Variants in RANBP17 observed in about 807,000 individuals in gnomAD.
RANBP17 encodes the protein RAN binding protein 17, also known as ran-binding protein 17.
A neutral mutation model predicts 141.2 loss-of-function variants in RANBP17; 158 were observed. The ratio of observed to expected loss-of-function variants is 1.12; its 90% CI spans 0.98 to 1.28. The LOEUF is 1.28. Among genes scored for constraint, RANBP17 ranks in the 50% most tolerant of loss-of-function variants. RANBP17 has a pLI of 0.00. For missense variants in RANBP17, 1,438 were observed against 1,290.7 expected, an observed-to-expected ratio of 1.11 and a Z score of -1.75; for synonymous variants, 430 against 450.0, an observed-to-expected ratio of 0.96 and a Z score of 0.56.
chr5:170,990,883 C>A (rs1247860830), intron 14 of RANBP17, among the ~76,000 whole-genome samples: 4 of 151,982 alleles, frequency 2.6e-5, no homozygotes, highest in East Asian at 1.9e-4. Context: ...ATGAGGGATA[C>A]AATAGCGTTA....
intron 14 of RANBP17, among the ~76,000 whole-genome samples, chr5:170,989,843 C>G (rs1232219048): frequency 2.6e-5 from 4 of 151,654 alleles, no homozygotes; most frequent in African/African-American, 9.7e-5. Flanking sequence ...TTCAGACTAT[C>G]AACTTTCATG....
At chr5:171,162,266 G>C (rs989817570) in intron 14 of RANBP17, among the ~76,000 whole-genome samples, 2 of 152,150 alleles carry the variant, frequency 1.3e-5, no homozygotes, top group African/African-American at 4.8e-5. Context: ...GCAAAGCTGT[G>C]TCAGGACAAA....
chr5:171,285,212 A>G (rs1469954247), intron 25 of RANBP17, among the ~76,000 whole-genome samples: 1 of 152,220 alleles, frequency 6.6e-6, no homozygotes, highest in African/African-American at 2.4e-5. Context: ...CACCTATCCT[A>G]TGAAGATAGG....
chr5:171,008,920 A>G (rs1330424916), intron 14 of RANBP17, among the ~76,000 whole-genome samples: 1 of 152,168 alleles, frequency 6.6e-6, no homozygotes, highest in Non-Finnish European at 1.5e-5. Flanking sequence ...TGTTTTGATG[A>G]CTATTAAATA....
rs536379720 is a variant in RANBP17 at position 170,981,973 on chromosome 5, C to T, written c.1710+13596C>T. ...ATTAGGATTAATTATATTCCCAGAACGCTTACCTGTCCCAGCACAACTGGA... is the reference window on the plus strand; with the variant it reads ...ATTAGGATTAATTATATTCCCAGAATGCTTACCTGTCCCAGCACAACTGGA... On this transcript the variant is annotated intron_variant, in intron 14 of 27. Transcript: ENST00000523189. Among the ~76,000 whole-genome samples, 24 of 152,266 alleles carry T rather than the reference C, an allele frequency of 1.6e-4. 1 individual carries two copies. Among genetic ancestry groups the T allele is most frequent in the Admixed American group, 1.0e-3 (16 of 15,296 alleles).
chr5:170,978,860 T>G (rs2127546291), intron 14 of RANBP17, among the ~76,000 whole-genome samples: 1 of 152,292 alleles, frequency 6.6e-6, no homozygotes, highest in African/African-American at 2.4e-5. Context: ...AATTAATTTT[T>G]TTTACAAAAG....
rs1441330579 is a variant in RANBP17, at chr5:171,084,118, G to A, written c.1711-86012G>A. On this transcript the variant is annotated intron_variant, in intron 14 of 27. Transcript: ENST00000523189. ...CAATGCTATCCCTCCCCCCTCCCCC[G>A]ACCCCACCACAGTCCCCAGAGTGTG... Among the ~76,000 whole-genome samples the A allele has an allele frequency of 1.5e-4, 12 of 79,786 alleles. No individual in the cohort carries two copies. The Admixed American group carries it at 1.8e-3, about 12-fold the overall frequency. 52.3% of individuals were successfully genotyped at this position (79,786 alleles called of 152,430 possible). A position where few individuals can be genotyped will look rare whatever the true frequency, so the allele number is the denominator to read the frequency against.
At chr5:171,064,020 G>A (rs58375599) in intron 14 of RANBP17, among the ~76,000 whole-genome samples, 2,746 of 152,334 alleles carry the variant, frequency 0.018, 83 homozygotes, top group African/African-American at 0.063. Flanking sequence ...TCGGAAAAGC[G>A]CAGTATTAGT....
intron 14 of RANBP17, among the ~76,000 whole-genome samples, chr5:171,077,495 A>T (rs911621947): frequency 3.3e-5 from 5 of 152,208 alleles, no homozygotes; most frequent in Non-Finnish European, 5.9e-5. Flanking sequence ...TGTTCAATAT[A>T]TACAAATTTA....
intron 14 of RANBP17, among the ~76,000 whole-genome samples, chr5:171,093,662 T>C (rs1004896538): frequency 2.4e-4 from 36 of 152,244 alleles, no homozygotes; most frequent in African/African-American, 8.4e-4. Flanking sequence ...ATTTATTGGT[T>C]ATTTTCAGTT....
intron 25 of RANBP17, among the ~76,000 whole-genome samples, chr5:171,285,569 C>T (rs1430466113): frequency 6.6e-6 from 1 of 152,172 alleles, no homozygotes; most frequent in African/African-American, 2.4e-5. Flanking sequence ...GAGAGTTTCC[C>T]AAATAGTGCT....
At chr5:170,970,264 A>C (rs1223528810) in intron 14 of RANBP17, among the ~76,000 whole-genome samples, 1 of 151,902 alleles carries the variant, frequency 6.6e-6, no homozygotes. Context: ...AATTGTGGCA[A>C]AAAGTGGGAG....
intron 14 of RANBP17, among the ~76,000 whole-genome samples, chr5:171,109,181 C>T (rs545897279): frequency 3.3e-5 from 5 of 152,270 alleles, no homozygotes; most frequent in South Asian, 2.1e-4. Context: ...TTAATCCACT[C>T]GGCCACATTT....
At chr5:170,968,151 ATATGT>A (rs1261877764) in intron 13 of RANBP17, 86 bp from the exon 14 acceptor site, 4 of 911,728 alleles carry the variant, frequency 4.4e-6, no homozygotes, top group Non-Finnish European at 6.4e-6. Flanking sequence ...TACAGTGATT[ATATGT>A]TATATTACAT....
rs1209603952 is a variant in RANBP17, at chr5:171,199,718, C to A, written c.2087C>A (p.Ala696Asp). ...AATTTCATGCTGCCTCTTACAGTTG[C>A]TTTTGAAACAGTATTACAAATATTC... is the stretch of plus-strand genomic sequence containing the variant. ...FENFMLPLTVAFETVLQIFNN... is the reference protein window; with the variant it reads ...FENFMLPLTVDFETVLQIFNN... The change falls in exon 19 of 28, where the codon GCT (alanine) becomes GAT (aspartate). Residue 696 changes from alanine to aspartate, a missense_variant. By Grantham distance (126) the Ala-to-Asp change is moderately radical (BLOSUM62 -2). Transcript: ENST00000523189. 6.2e-7 allele frequency: 1 copy of A among 1,611,278 alleles called. No homozygotes were observed. Among genetic ancestry groups the A allele is most frequent in the African/African-American group, 1.3e-5 (1 of 74,792 alleles).
intron 14 of RANBP17, among the ~76,000 whole-genome samples, chr5:171,006,991 A>T (rs572589022): frequency 6.6e-6 from 1 of 152,078 alleles, no homozygotes; most frequent in Non-Finnish European, 1.5e-5. Context: ...TCCATTGGGG[A>T]TCTTCTCGGG....
At chr5:170,952,521 A>G (rs987472279) in intron 12 of RANBP17, among the ~76,000 whole-genome samples, 3 of 152,098 alleles carry the variant, frequency 2.0e-5, no homozygotes, top group African/African-American at 7.2e-5. Flanking sequence ...TAATTGTAGT[A>G]TAATAATGAC....
At chr5:170,947,791 G>A (rs547501247) in intron 12 of RANBP17, among the ~76,000 whole-genome samples, 3 of 152,116 alleles carry the variant, frequency 2.0e-5, no homozygotes, top group African/African-American at 7.2e-5. Context: ...ATAGTATAAT[G>A]GTCTCAGGGT....
intron 14 of RANBP17, among the ~76,000 whole-genome samples, chr5:171,044,343 A>G (rs1336937845): frequency 1.3e-5 from 2 of 152,022 alleles, no homozygotes; most frequent in African/African-American, 2.4e-5. Context: ...ATATAACATT[A>G]AAGTCATATA....
Sources: allele counts gnomAD v4.1 joint callset (sites outside exome capture counted in the v4.1 genomes callset), GRCh38; gene constraint gnomAD v4.1.1; transcripts MANE v1.5; gene names NCBI Gene and HGNC (gene_info 2026-07-23, HGNC 2026-07-21).